The following C1QTNF7 variants were observed in gnomAD, a reference collection of about 807,000 sequenced individuals.
C1QTNF7 encodes complement C1q tumor necrosis factor-related protein 7.
In C1QTNF7, 15 loss-of-function variants were observed where a neutral mutation model predicts 19.6. The ratio of observed to expected loss-of-function variants is 0.76; its 90% CI spans 0.51 to 1.18. The LOEUF is 1.18. Among genes scored for constraint, C1QTNF7 ranks in the 50% most tolerant of loss-of-function variants. C1QTNF7 has a pLI of 0.00. For synonymous variants in C1QTNF7, 142 were observed against 137.5 expected, an observed-to-expected ratio of 1.03 and a Z score of -0.23; for missense variants, 324 against 359.7, an observed-to-expected ratio of 0.90 and a Z score of 0.80.
At chr4:15,439,963 AC>A (rs1560372141) in intron 2 of C1QTNF7, among the ~76,000 whole-genome samples, 3 of 151,598 alleles carry the variant, frequency 2.0e-5, no homozygotes, top group Non-Finnish European at 4.4e-5. Flanking sequence ...AATGTCATAT[AC>A]AAAATCAATG....
intron 1 of C1QTNF7, among the ~76,000 whole-genome samples, chr4:15,381,145 C>T (rs554273004): frequency 5.3e-5 from 8 of 151,982 alleles, no homozygotes; most frequent in East Asian, 3.9e-4. Flanking sequence ...TGGCCAGGCA[C>T]GGTGGCTCAC....
intron 1 of C1QTNF7, among the ~76,000 whole-genome samples, chr4:15,350,312 G>A (rs368802691): frequency 0.23 from 2,732 of 11,840 alleles, 475 homozygotes; most frequent in East Asian, 0.33. Flanking sequence ...GGAGGGAAGG[G>A]AGGGAAGGAA....
upstream of C1QTNF7, among the ~76,000 whole-genome samples, chr4:15,426,383 A>G (rs1192295111): frequency 6.6e-6 from 1 of 152,204 alleles, no homozygotes; most frequent in Non-Finnish European, 1.5e-5. Flanking sequence ...ACACTCTCAG[A>G]GACATTTTCA....
intron 1 of C1QTNF7, among the ~76,000 whole-genome samples, chr4:15,342,416 C>T (rs1439358980): frequency 6.6e-6 from 1 of 152,276 alleles, no homozygotes; most frequent in South Asian, 2.1e-4. Flanking sequence ...AAACCTTAAC[C>T]GAGTGTCCAC....
intron 1 of C1QTNF7, among the ~76,000 whole-genome samples, chr4:15,391,690 G>C (rs1479662917): frequency 6.6e-6 from 1 of 152,068 alleles, no homozygotes; most frequent in Non-Finnish European, 1.5e-5. Flanking sequence ...GCAACAATAT[G>C]TATTATTAAA....
At chr4:15,369,447 C>T (rs1717644016) in intron 1 of C1QTNF7, among the ~76,000 whole-genome samples, 1 of 152,076 alleles carries the variant, frequency 6.6e-6, no homozygotes, top group Non-Finnish European at 1.5e-5. Flanking sequence ...GTTAAATTTG[C>T]TGCATTGTTT....
intron 1 of C1QTNF7, among the ~76,000 whole-genome samples, chr4:15,340,747 T>C (rs28751871): frequency 0.026 from 3,909 of 152,274 alleles, 164 homozygotes; most frequent in African/African-American, 0.089. Flanking sequence ...TCCCTTGTAA[T>C]TGACACGGGA....
chr4:15,368,451 C>A (rs1423742096), intron 1 of C1QTNF7, among the ~76,000 whole-genome samples: 2 of 152,082 alleles, frequency 1.3e-5, no homozygotes, highest in African/African-American at 4.8e-5. Context: ...TCCCCCAACC[C>A]CATGACAGGC....
At chr4:15,369,208 G>C (rs558986384) in intron 1 of C1QTNF7, among the ~76,000 whole-genome samples, 1 of 152,328 alleles carries the variant, frequency 6.6e-6, no homozygotes, top group East Asian at 1.9e-4. Context: ...AATTTTGAGA[G>C]TCTCTGCACA....
chr4:15,393,336 G>A (rs1001943643), intron 1 of C1QTNF7, among the ~76,000 whole-genome samples: 4 of 152,126 alleles, frequency 2.6e-5, no homozygotes, highest in African/African-American at 9.7e-5. Flanking sequence ...TGGAAACAAC[G>A]TGGGTCCCAC....
At chr4:15,342,880 T>C (rs996916376) in intron 1 of C1QTNF7, among the ~76,000 whole-genome samples, 1 of 152,208 alleles carries the variant, frequency 6.6e-6, no homozygotes, top group Non-Finnish European at 1.5e-5. Context: ...GTCACAAACA[T>C]CTGGCTTCAA....
chr4:15,400,897 C>G (rs1248572684), intron 1 of C1QTNF7, among the ~76,000 whole-genome samples: 1 of 152,162 alleles, frequency 6.6e-6, no homozygotes, highest in African/African-American at 2.4e-5. Context: ...TCCCGATACC[C>G]CCATCACAGC....
At chr4:15,339,877 A>G (rs1450826193), upstream of C1QTNF7, 2 of 474,830 alleles carry the variant, frequency 4.2e-6, no homozygotes, top group Non-Finnish European at 7.5e-6. Flanking sequence ...GCTCTTTGAA[A>G]TGTGAGTATT....
chr4:15,362,496 T>A (rs756636700), intron 1 of C1QTNF7: 6 of 152,322 alleles, frequency 3.9e-5, no homozygotes, highest in South Asian at 2.1e-4. Context: ...ATGTAAAAGT[T>A]CTTCAGAGCA....
intron 1 of C1QTNF7, chr4:15,374,556 C>T (rs1717856072): frequency 5.1e-6 from 5 of 985,242 alleles, no homozygotes; most frequent in South Asian, 9.4e-5. Flanking sequence ...CGTCATTGCA[C>T]GCCGGGGTCC....
At chr4:15,382,992 C>G (rs1354849725) in intron 1 of C1QTNF7, among the ~76,000 whole-genome samples, 1 of 152,194 alleles carries the variant, frequency 6.6e-6, no homozygotes, top group Non-Finnish European at 1.5e-5. Context: ...TGCCCTCTTA[C>G]AGAAAACATT....
At chr4:15,426,379 T>C (rs1026362665), upstream of C1QTNF7, among the ~76,000 whole-genome samples, 1 of 152,068 alleles carries the variant, frequency 6.6e-6, no homozygotes, top group Non-Finnish European at 1.5e-5. Flanking sequence ...CTGAACACTC[T>C]CAGAGACATT....
At chr4:15,383,182 C>A (rs1239201844) in intron 1 of C1QTNF7, among the ~76,000 whole-genome samples, 1 of 152,100 alleles carries the variant, frequency 6.6e-6, no homozygotes, top group Non-Finnish European at 1.5e-5. Context: ...AACCATGGAC[C>A]CTAATGTTGT....
intron 1 of C1QTNF7, among the ~76,000 whole-genome samples, chr4:15,422,294 A>G (rs551835426): frequency 6.7e-6 from 1 of 149,840 alleles, no homozygotes; most frequent in South Asian, 2.1e-4. Context: ...CAGATTTTTT[A>G]TCTCCAGTTC....
Sources: allele counts gnomAD v4.1 joint callset (sites outside exome capture counted in the v4.1 genomes callset), GRCh38; gene constraint gnomAD v4.1.1; transcripts MANE v1.5; gene names NCBI Gene and HGNC (gene_info 2026-07-23, HGNC 2026-07-21).